The following PLS1 variants were observed in gnomAD, a reference collection of about 807,000 sequenced individuals.
The protein encoded by PLS1 is plastin-1.
A neutral mutation model predicts 73.7 loss-of-function variants in PLS1; 32 were observed. That is an observed-to-expected ratio of 0.43 (90% CI 0.33 to 0.58). The LOEUF (loss-of-function observed/expected upper bound fraction) is 0.58, where lower values mean the gene tolerates loss of function less well. PLS1 is among the 20% of genes least tolerant of loss of function. The pLI, the probability that PLS1 is intolerant of heterozygous loss-of-function variation, is 0.04. For synonymous variants in PLS1, 217 were observed against 261.3 expected (o/e 0.83, Z 1.63); for missense variants, 633 against 740.5 (o/e 0.85, Z 1.68).
chr3:142,601,729 C>G (rs1012879374), intron 1 of PLS1, among the ~76,000 whole-genome samples: 1 of 151,942 alleles, frequency 6.6e-6, no homozygotes, highest in Admixed American at 6.6e-5. Context: ...GTTGTCTAGG[C>G]TGATCTCAAA....
chr3:142,616,317 A>G (rs2036215875), intron 1 of PLS1, among the ~76,000 whole-genome samples: 1 of 152,208 alleles, frequency 6.6e-6, no homozygotes, highest in African/African-American at 2.4e-5. Context: ...CTTTTCTATA[A>G]AGGATAAGGT....
chr3:142,678,841 T>A (rs1462088936), intron 6 of PLS1, among the ~76,000 whole-genome samples: 2 of 151,730 alleles, frequency 1.3e-5, no homozygotes, highest in Non-Finnish European at 2.9e-5. Flanking sequence ...CCCTGACGAA[T>A]CGCCACACTG....
chr3:142,619,044 C>T (rs1019692224), intron 1 of PLS1, among the ~76,000 whole-genome samples: 9 of 152,156 alleles, frequency 5.9e-5, no homozygotes, highest in Admixed American at 5.9e-4. Flanking sequence ...CAGCAGGGCT[C>T]CAAGCATTCA....
intron 6 of PLS1, among the ~76,000 whole-genome samples, chr3:142,679,659 C>G (rs962634711): frequency 6.6e-6 from 1 of 151,286 alleles, no homozygotes; most frequent in Non-Finnish European, 1.5e-5. Context: ...CAGTACCATG[C>G]TGTTTTGGTT....
intron 1 of PLS1, among the ~76,000 whole-genome samples, chr3:142,631,607 G>A (rs995315982): frequency 1.8e-4 from 25 of 135,364 alleles, no homozygotes; most frequent in African/African-American, 4.8e-4. Context: ...GGTGCAGTGC[G>A]CCAAGATCAT....
chr3:142,647,474 C>T (rs2036976908), intron 1 of PLS1, among the ~76,000 whole-genome samples: 1 of 150,696 alleles, frequency 6.6e-6, no homozygotes, highest in Non-Finnish European at 1.5e-5. Context: ...TGTAGTCTGC[C>T]TGTTCATTTT....
intron 1 of PLS1, among the ~76,000 whole-genome samples, chr3:142,648,610 T>C (rs1024367920): frequency 1.3e-5 from 2 of 152,158 alleles, no homozygotes; most frequent in Non-Finnish European, 2.9e-5. Context: ...AAGCAACAAA[T>C]AGATTTGATA....
At chr3:142,701,525 TAGG>T (rs1441932945) in intron 12 of PLS1, among the ~76,000 whole-genome samples, 4 of 152,226 alleles carry the variant, frequency 2.6e-5, no homozygotes, top group African/African-American at 9.6e-5. Context: ...GGATTACCTC[TAGG>T]AACCTAATTT....
At chr3:142,679,242 T>C (rs75149239) in intron 6 of PLS1, among the ~76,000 whole-genome samples, 58,260 of 150,972 alleles carry the variant, frequency 0.39, 12,374 homozygotes, top group Non-Finnish European at 0.48. Context: ...ACTCTGATGG[T>C]AGTTTCTTTT....
intron 2 of PLS1, among the ~76,000 whole-genome samples, chr3:142,664,634 C>A (rs1160015836): frequency 3.9e-5 from 6 of 152,178 alleles, no homozygotes; most frequent in Non-Finnish European, 8.8e-5. Context: ...TGTGTATAAA[C>A]TGAACTCTGG....
chr3:142,655,795 G>A lies in PLS1; in HGVS notation c.-36-8407G>A, dbSNP rs537243203. On this transcript the variant is annotated intron_variant, in intron 1 of 15. Coordinates refer to ENST00000457734, the MANE Select transcript of PLS1 (RefSeq NM_001145319.2). ...ACCAGTGTCACTTTACCCCCGGTGC[G>A]CTGTTCCTGGCTTAACACTTCATAA... is the stretch of plus-strand genomic sequence containing the variant. Among the ~76,000 whole-genome samples the A allele has an allele frequency of 4.6e-5, 7 of 151,660 alleles. No homozygotes were observed. The East Asian group carries it at 9.7e-4, about 21-fold the overall frequency.
At chr3:142,625,247 A>G (rs998734171) in intron 1 of PLS1, among the ~76,000 whole-genome samples, 9 of 151,806 alleles carry the variant, frequency 5.9e-5, no homozygotes, top group Admixed American at 5.2e-4. Context: ...CTGACTGCCT[A>G]TTTTTTCTTC....
At chr3:142,616,798 C>T (rs930620554) in intron 1 of PLS1, among the ~76,000 whole-genome samples, 1 of 152,082 alleles carries the variant, frequency 6.6e-6, no homozygotes, top group Non-Finnish European at 1.5e-5. Context: ...GATGGGGTTT[C>T]ACCATGTTGG....
At chr3:142,623,097 T>G (rs2036348242) in intron 1 of PLS1, among the ~76,000 whole-genome samples, 1 of 152,154 alleles carries the variant, frequency 6.6e-6, no homozygotes, top group African/African-American at 2.4e-5. Flanking sequence ...TAGCTGAGAT[T>G]ATAAGCACAT....
chr3:142,684,488 C>G, intron 8 of PLS1, 93 bp downstream of exon 8: 1 of 999,512 alleles, frequency 1.0e-6, no homozygotes, highest in Non-Finnish European at 1.5e-6. Context: ...ATTAAATTCA[C>G]AAGAACACTT....
chr3:142,687,876 C>T (rs993420549), intron 9 of PLS1, among the ~76,000 whole-genome samples: 5 of 151,812 alleles, frequency 3.3e-5, no homozygotes, highest in African/African-American at 1.2e-4. Flanking sequence ...CCACTTGCCT[C>T]ATAAATGCCA....
intron 1 of PLS1, among the ~76,000 whole-genome samples, chr3:142,635,099 AT>A (rs1399319174): frequency 1.3e-5 from 2 of 152,030 alleles, no homozygotes; most frequent in Non-Finnish European, 2.9e-5. Context: ...TTCTTATGCT[AT>A]ATTTGAAATT....
At chr3:142,669,707 C>T (rs7624063) in intron 3 of PLS1, among the ~76,000 whole-genome samples, 154 bp downstream of exon 3, 10 of 152,044 alleles carry the variant, frequency 6.6e-5, no homozygotes, top group East Asian at 1.9e-4. Context: ...CTATTATTAT[C>T]GAAATAATTT....
chr3:142,630,931 G>A (rs1254462398), intron 1 of PLS1, among the ~76,000 whole-genome samples: 2 of 67,486 alleles, frequency 3.0e-5, no homozygotes, highest in African/African-American at 2.1e-4. Flanking sequence ...TAGAGAGCAT[G>A]TAAATAAACA....
Sources: allele counts gnomAD v4.1 joint callset (sites outside exome capture counted in the v4.1 genomes callset), GRCh38; gene constraint gnomAD v4.1.1; transcripts MANE v1.5; gene names NCBI Gene and HGNC (gene_info 2026-07-23, HGNC 2026-07-21).